The following RPS10 variants were observed in gnomAD, a reference collection of about 807,000 sequenced individuals.
The protein encoded by RPS10 is small ribosomal subunit protein eS10.
RPS10 carries 2 observed loss-of-function variants against 22.6 expected under a neutral mutation model. The observed-to-expected ratio is 0.09, with a 90% CI of 0.04 to 0.28. The LOEUF (loss-of-function observed/expected upper bound fraction) is 0.28, where lower values mean the gene tolerates loss of function less well. Ranked by LOEUF, RPS10 falls within the 10% of genes least tolerant of loss-of-function variation. The pLI is 1.00. For missense variants in RPS10, 137 were observed against 222.2 expected (o/e 0.62, Z 2.44); for synonymous variants, 70 against 75.9 (o/e 0.92, Z 0.40).
intron 2 of RPS10, 106 bp from the exon 3 acceptor site, chr6:34,424,946 G>C: frequency 1.2e-6 from 2 of 1,606,818 alleles, no homozygotes; most frequent in Middle Eastern, 1.7e-4. Flanking sequence ...AGCCCCCGCA[G>C]TCCTGACCTC....
At chr6:34,422,198 G>C (rs940191470) in intron 3 of RPS10, among the ~76,000 whole-genome samples, 1 of 152,182 alleles carries the variant, frequency 6.6e-6, no homozygotes, top group Non-Finnish European at 1.5e-5. Context: ...TAAGCTGAAA[G>C]TCCCAACTCC....
chr6:34,424,707 C>T lies in RPS10; in HGVS notation c.284G>A (p.Arg95His), dbSNP rs1765893674. 2 of 1,613,982 alleles carry T rather than the reference C, an allele frequency of 1.2e-6. No individual in the cohort carries two copies. Among genetic ancestry groups the T allele is most frequent in the Admixed American group, 1.7e-5 (1 of 59,996 alleles). The change falls in exon 3 of 6, where the codon CGC (arginine) becomes CAC (histidine). Residue 95 changes from arginine (R) to histidine (H), a missense_variant. By Grantham distance (29) the Arg-to-His change is conservative (BLOSUM62 0). Transcript: ENST00000648437. The part of the protein sequence containing the change: ...LPPEIVPATL[R>H]RSRPETGRPR... ...CCTGCCAGTCTCTGGACGGCTACGG[C>T]GTAGGGTGGCAGGCACAATCTCCGG...
intron 4 of RPS10, among the ~76,000 whole-genome samples, chr6:34,421,443 C>A (rs977590151): frequency 2.6e-5 from 4 of 151,954 alleles, no homozygotes; most frequent in South Asian, 2.1e-4. Flanking sequence ...TTCGACCCCC[C>A]CCCTCCAACC....
chr6:34,420,363 C>T (rs756435269), intron 4 of RPS10, among the ~76,000 whole-genome samples: 1 of 152,088 alleles, frequency 6.6e-6, no homozygotes, highest in Non-Finnish European at 1.5e-5. Flanking sequence ...TTATTACAGG[C>T]AGGCACACAC....
chr6:34,420,297 C>G (rs925662206), intron 4 of RPS10, among the ~76,000 whole-genome samples: 2 of 152,050 alleles, frequency 1.3e-5, no homozygotes, highest in Non-Finnish European at 2.9e-5. Context: ...CTCACTGCAA[C>G]CTCCGCCTCC....
At chr6:34,419,439 G>A (rs6924482) in intron 4 of RPS10, among the ~76,000 whole-genome samples, 102,231 of 151,812 alleles carry the variant, frequency 0.67, 36,033 homozygotes, top group Non-Finnish European at 0.8. Context: ...CTGGAATTAC[G>A]GGTGTGAGCC....
chr6:34,421,627 A>C, intron 4 of RPS10, 103 bp downstream of exon 4: 2 of 1,308,112 alleles, frequency 1.5e-6, no homozygotes, highest in Non-Finnish European at 2.2e-6. Context: ...TTTCCTGGTC[A>C]TTTTGTCATC....
At chr6:34,417,856 T>C (rs1452716205) in intron 5 of RPS10, 2 of 718,444 alleles carry the variant, frequency 2.8e-6, no homozygotes, top group Non-Finnish European at 5.2e-6. Context: ...GCTTCCTTTT[T>C]ACAAATGACA....
intron 4 of RPS10, among the ~76,000 whole-genome samples, chr6:34,419,021 A>G (rs1452763149): frequency 1.3e-5 from 2 of 151,776 alleles, no homozygotes; most frequent in Non-Finnish European, 2.9e-5. Flanking sequence ...TAATTTTTAT[A>G]TTTTTTGTTC....
intron 3 of RPS10, among the ~76,000 whole-genome samples, chr6:34,422,258 T>C (rs932462525): frequency 6.6e-6 from 1 of 152,196 alleles, no homozygotes; most frequent in East Asian, 1.9e-4. Context: ...GAGTTCCTCT[T>C]GGGCTTCTTC....
intron 4 of RPS10, among the ~76,000 whole-genome samples, chr6:34,420,304 C>T (rs1005869526): frequency 1.3e-5 from 2 of 152,134 alleles, no homozygotes; most frequent in Non-Finnish European, 2.9e-5. Context: ...CAACCTCCGC[C>T]TCCCAGGTTC....
chr6:34,417,858 C>A (rs574755288), intron 5 of RPS10: 1 of 718,360 alleles, frequency 1.4e-6, no homozygotes, highest in Non-Finnish European at 2.6e-6. Flanking sequence ...TTCCTTTTTA[C>A]AAATGACATT....
intron 4 of RPS10, 25 bp downstream of exon 4, chr6:34,421,704 CT>C: frequency 1.2e-6 from 2 of 1,612,898 alleles, no homozygotes; most frequent in Non-Finnish European, 8.5e-7. Context: ...CCCAACACCC[CT>C]AATATAGGTG....
At chr6:34,425,405 C>T in intron 1 of RPS10, 184 bp from the exon 2 acceptor site, 1 of 711,990 alleles carries the variant, frequency 1.4e-6, no homozygotes, top group South Asian at 1.6e-5. Context: ...AAACACAATT[C>T]AGGTGGAAAA....
At chr6:34,420,825 T>G (rs1308898893) in intron 4 of RPS10, among the ~76,000 whole-genome samples, 2 of 151,410 alleles carry the variant, frequency 1.3e-5, no homozygotes, top group East Asian at 4.0e-4. Flanking sequence ...GCTAACACGG[T>G]GAAACCCCAT....
chr6:34,421,635 A>G (rs1765773065), intron 4 of RPS10, 95 bp downstream of exon 4: 1 of 1,386,484 alleles, frequency 7.2e-7, no homozygotes, highest in African/African-American at 1.4e-5. Flanking sequence ...TCATTTTGTC[A>G]TCATCAAGGG....
At chr6:34,419,558 C>T (rs1295381162) in intron 4 of RPS10, among the ~76,000 whole-genome samples, 1 of 145,172 alleles carries the variant, frequency 6.9e-6, no homozygotes, top group East Asian at 2.0e-4. Context: ...TTTTTTAAAC[C>T]GATTTATTTG....
At chr6:34,419,822 C>T (rs1437347001) in intron 4 of RPS10, among the ~76,000 whole-genome samples, 2 of 152,180 alleles carry the variant, frequency 1.3e-5, no homozygotes, top group Non-Finnish European at 2.9e-5. Context: ...AGGTGATCTG[C>T]CCGCCTCGGC....
In RPS10 at chr6:34,424,160, A is replaced by G; in HGVS notation, c.322+509T>C. 2 of 150,924 alleles carry G rather than the reference A, an allele frequency of 1.3e-5. 1 individual carries two copies. The highest frequency in any genetic ancestry group is 3.9e-4 in the East Asian group (2 of 5,168). 9.3% of individuals were successfully genotyped at this position (150,924 alleles called of 1,614,324 possible). A position where few individuals can be genotyped will look rare whatever the true frequency, so the allele number is the denominator to read the frequency against. On this transcript the variant is annotated intron_variant, in intron 3 of 5. Transcript: ENST00000648437. ...TCCGTTAAAAAAAAAAAAAAAAAAAAAAAAGCAACTGTGAGCTAGCAATGA... is the reference window on the plus strand; with the variant it reads ...TCCGTTAAAAAAAAAAAAAAAAAAAGAAAAGCAACTGTGAGCTAGCAATGA...
Sources: allele counts gnomAD v4.1 joint callset (sites outside exome capture counted in the v4.1 genomes callset), GRCh38; gene constraint gnomAD v4.1.1; transcripts MANE v1.5; gene names NCBI Gene and HGNC (gene_info 2026-07-23, HGNC 2026-07-21).